Variants in DCAF12 observed in about 807,000 individuals in gnomAD.
DCAF12 encodes the protein DDB1- and CUL4-associated factor 12.
Under a neutral mutation model 52.8 loss-of-function variants are expected in DCAF12, and 28 were observed. That is an observed-to-expected ratio of 0.53 (90% CI 0.39 to 0.73). The LOEUF (loss-of-function observed/expected upper bound fraction) is 0.73, where lower values mean the gene tolerates loss of function less well. DCAF12 is among the 30% of genes least tolerant of loss of function. The pLI is 0.00. For synonymous variants in DCAF12, 196 were observed against 215.5 expected (o/e 0.91, Z 0.79); for missense variants, 425 against 552.2 (o/e 0.77, Z 2.31).
At chr9:34,118,268 G>C (rs1829117241) in intron 2 of DCAF12, among the ~76,000 whole-genome samples, 1 of 152,058 alleles carries the variant, frequency 6.6e-6, no homozygotes, top group African/African-American at 2.4e-5. Flanking sequence ...CGAGTAGCCG[G>C]GACCACAGGC....
intron 5 of DCAF12, among the ~76,000 whole-genome samples, chr9:34,097,972 G>C (rs1341421490): frequency 6.6e-6 from 1 of 150,704 alleles, no homozygotes; most frequent in Non-Finnish European, 1.5e-5. Context: ...ATACCAAAGA[G>C]AAAAAAAGTG....
chr9:34,091,052 G>A (rs1392155901), intron 7 of DCAF12, among the ~76,000 whole-genome samples: 1 of 152,042 alleles, frequency 6.6e-6, no homozygotes, highest in African/African-American at 2.4e-5. Flanking sequence ...TAGGCCAGGC[G>A]TGGTGGCTCA....
intron 6 of DCAF12, chr9:34,095,918 G>A (rs1044185278): frequency 6.6e-6 from 1 of 152,062 alleles, no homozygotes; most frequent in African/African-American, 2.4e-5. Context: ...CTAGTCAAAG[G>A]AGCCTCTCAG....
Position 34,088,290 on chromosome 9 carries a change from A to G in DCAF12, c.*60T>C. 3.4e-6 allele frequency: 5 copies of G among 1,488,708 alleles called. No individual in the cohort carries two copies. Among genetic ancestry groups the G allele is most frequent in the Non-Finnish European group, 4.5e-6 (5 of 1,121,808 alleles). The allele number at this position is 1,488,708 out of a possible 1,614,324, so 92.2% of individuals were successfully genotyped here. A position where few individuals can be genotyped will look rare whatever the true frequency, so the allele number is the denominator to read the frequency against. Reference sequence around the variant, plus strand: ...ACACAATTAGGAAAAAAAAAATCAAAAGAAACAAGGAAACTGAGAATGGAA... The same window carrying G: ...ACACAATTAGGAAAAAAAAAATCAAGAGAAACAAGGAAACTGAGAATGGAA... On this transcript the variant is annotated 3_prime_UTR_variant, in exon 9 of 9. Coordinates refer to ENST00000361264, the MANE Select transcript of DCAF12 (RefSeq NM_015397.4).
chr9:34,121,817 C>A (rs1239224901), intron 2 of DCAF12, among the ~76,000 whole-genome samples: 1 of 152,112 alleles, frequency 6.6e-6, no homozygotes, highest in African/African-American at 2.4e-5. Flanking sequence ...GTGGCAGGTA[C>A]CTGTAATCCC....
In DCAF12 at chr9:34,093,420, C is replaced by T. The variant is rs145366410; in HGVS notation, c.890G>A (p.Arg297His). 45 of 1,613,988 alleles carry T rather than the reference C, an allele frequency of 2.8e-5. No homozygotes were observed. The highest frequency in any genetic ancestry group is 5.0e-5 in the Admixed American group (3 of 59,994). ...KLLSTKLPYC[R>H]ENVCLAYGSE... ...ACCATAAGCCAGACACACATTCTCA[C>T]GGCAATATGGCAGTTTGGTGGAGAG... is the stretch of plus-strand genomic sequence containing the variant. Residue 297 changes from arginine (R) to histidine (H), a missense_variant, in exon 7 of 9, where the codon CGT becomes CAT. Coordinates refer to ENST00000361264, the MANE Select transcript of DCAF12 (RefSeq NM_015397.4).
Position 34,126,557 on chromosome 9 carries a change from C to A in DCAF12, c.-126G>T. Reference sequence around the variant, plus strand: ...AGTGCGCCCGGCCCGGAAAATGGCCCGGACCCGGAGCGGCAGCAGAAAAAA... The same window carrying A: ...AGTGCGCCCGGCCCGGAAAATGGCCAGGACCCGGAGCGGCAGCAGAAAAAA... On this transcript the variant is annotated 5_prime_UTR_variant, in exon 1 of 9. Coordinates refer to ENST00000361264, the MANE Select transcript of DCAF12 (RefSeq NM_015397.4). 1 of 1,045,368 alleles carries A rather than the reference C, an allele frequency of 9.6e-7. No homozygotes were observed. The highest frequency in any genetic ancestry group is 1.7e-5 in the South Asian group (1 of 60,518). The allele number at this position is 1,045,368 out of a possible 1,614,324, so 64.8% of individuals were successfully genotyped here. A position where few individuals can be genotyped will look rare whatever the true frequency, so the allele number is the denominator to read the frequency against.
rs3061496 is a variant in DCAF12, at chr9:34,101,064, C to CTTT, written c.602-2550_602-2548dup. Among the ~76,000 whole-genome samples, 426 of 118,314 alleles carry CTTT rather than the reference C, an allele frequency of 3.6e-3. 2 individuals are homozygous for CTTT. Among genetic ancestry groups the CTTT allele is most frequent in the African/African-American group, 5.2e-3 (162 of 31,074 alleles). The allele number at this position is 118,314 out of a possible 152,430, so 77.6% of individuals were successfully genotyped here. On this transcript the variant is annotated intron_variant, in intron 4 of 8. Transcript: ENST00000361264. The stretch of plus-strand genomic sequence containing the variant: ...CACAGGGACCACAAACCCTCCCCAA[C>CTTT]TTTTTTTTTTTTTTTTTTTTTAAAT...
At position 34,088,219 on chromosome 9, in the gene DCAF12, A is replaced by G; in HGVS notation, c.*131T>C. On this transcript the variant is annotated 3_prime_UTR_variant, in exon 9 of 9. Coordinates refer to ENST00000361264, the MANE Select transcript of DCAF12 (RefSeq NM_015397.4). ...CAGAGCTTCTTCCTATTAAGTGCCT[A>G]AACTATAGGCAAACTTTGGTGTTCC... 2 of 1,062,280 alleles carry G rather than the reference A, an allele frequency of 1.9e-6. No individual in the cohort carries two copies. The allele number at this position is 1,062,280 out of a possible 1,614,324, so 65.8% of individuals were successfully genotyped here.
chr9:34,107,507 C>T lies in DCAF12; in HGVS notation c.392G>A (p.Arg131Gln), dbSNP rs11557154. ...CTGCTGGGTCACACCTCCAGGCTCC[C>T]GGTCTTTCAGAATGGGGATCTTGGT... ...QITKIPILKD[R>Q]EPGGVTQQGC... Residue 131 changes from arginine (R) to glutamine (Q), a missense_variant, in exon 3 of 9, where the codon CGG becomes CAG. Around this residue, in one of 3 missense-constraint regions of DCAF12, gnomAD observed 328 missense variants for 444.4 expected, o/e 0.74. Transcript: ENST00000361264. The T allele has an allele frequency of 0.15, 234,822 of 1,613,940 alleles. 22,944 individuals are homozygous for T. Among genetic ancestry groups the T allele is most frequent in the East Asian group, 0.57 (25,539 of 44,864 alleles).
At chr9:34,119,910 C>A (rs1829145338) in intron 2 of DCAF12, among the ~76,000 whole-genome samples, 2 of 151,966 alleles carry the variant, frequency 1.3e-5, no homozygotes, top group African/African-American at 4.8e-5. Flanking sequence ...CTACATTGCC[C>A]AGGCTGGTCT....
chr9:34,093,946 A>C (rs1397264318), intron 6 of DCAF12, among the ~76,000 whole-genome samples: 1 of 152,198 alleles, frequency 6.6e-6, no homozygotes, highest in Non-Finnish European at 1.5e-5. Context: ...CAGATAACCC[A>C]CATCAGCCTT....
intron 2 of DCAF12, among the ~76,000 whole-genome samples, chr9:34,123,106 T>C (rs1490531020): frequency 6.6e-6 from 1 of 152,238 alleles, no homozygotes; most frequent in African/African-American, 2.4e-5. Flanking sequence ...CTGTTACTGC[T>C]GTGCTAGCTG....
chr9:34,114,830 G>A (rs1025438784), intron 2 of DCAF12, among the ~76,000 whole-genome samples: 1 of 152,082 alleles, frequency 6.6e-6, no homozygotes, highest in African/African-American at 2.4e-5. Context: ...AGTCAGATGT[G>A]GTAGCAGGAA....
intron 4 of DCAF12, among the ~76,000 whole-genome samples, chr9:34,104,809 CAGGAGG>C (rs2131433526): frequency 6.6e-6 from 1 of 151,000 alleles, no homozygotes; most frequent in African/African-American, 2.4e-5. Context: ...CCCAGCTACT[CAGGAGG>C]CTGAGGCAGG....
intron 2 of DCAF12, 31 bp from the exon 3 acceptor site, chr9:34,107,596 C>T (rs759171862): frequency 1.3e-5 from 21 of 1,605,830 alleles, no homozygotes; most frequent in Admixed American, 3.4e-5. Context: ...AGAAGCTGAA[C>T]ATAAATTTAA....
At chr9:34,088,596 C>T (rs561907556) in intron 8 of DCAF12, 88 bp from the exon 9 acceptor site, 1 of 1,475,192 alleles carries the variant, frequency 6.8e-7, no homozygotes, top group South Asian at 1.2e-5. Flanking sequence ...TTTCTGGTCT[C>T]CTTAAGGGAA....
In DCAF12 at chr9:34,087,425, G is replaced by C. The variant is rs554840202; in HGVS notation, c.*925C>G. On this transcript the variant is annotated 3_prime_UTR_variant, in exon 9 of 9. Coordinates refer to ENST00000361264, the MANE Select transcript of DCAF12 (RefSeq NM_015397.4). Reference sequence around the variant, plus strand: ...CCCAGCTCCAGGCCCCTTAAAACCAGATCAGGTCTTGAGGGGAAGGAGAGA... The same window carrying C: ...CCCAGCTCCAGGCCCCTTAAAACCACATCAGGTCTTGAGGGGAAGGAGAGA... The C allele has an allele frequency of 2.6e-5, 4 of 152,360 alleles. No individual in the cohort carries two copies. The South Asian group carries it at 8.3e-4, about 32-fold the overall frequency. The allele number at this position is 152,360 out of a possible 1,614,324, so 9.4% of individuals were successfully genotyped here.
intron 2 of DCAF12, among the ~76,000 whole-genome samples, chr9:34,118,411 G>A (rs923153449): frequency 2.0e-5 from 3 of 152,142 alleles, no homozygotes; most frequent in Non-Finnish European, 4.4e-5. Context: ...CGGGATTACC[G>A]GAGTGAGCCA....
Sources: allele counts gnomAD v4.1 joint callset (sites outside exome capture counted in the v4.1 genomes callset), GRCh38; gene constraint gnomAD v4.1.1; regional missense constraint gnomAD v4.1.1; transcripts MANE v1.5; gene names NCBI Gene and HGNC (gene_info 2026-07-23, HGNC 2026-07-21).